Variants in ZNF534 observed in about 807,000 individuals in gnomAD.
ZNF534 encodes KRAB domain only 3.
A neutral mutation model predicts 13.6 loss-of-function variants in ZNF534; 19 were observed. The observed-to-expected ratio is 1.40, with a 90% CI of 0.97 to 2.05. The LOEUF (loss-of-function observed/expected upper bound fraction) is 2.05, where lower values mean the gene tolerates loss of function less well. ZNF534 is among the 30% of genes most tolerant of loss of function. The pLI is 0.00. For missense variants in ZNF534, 782 were observed against 796.3 expected (o/e 0.98, Z 0.22); for synonymous variants, 244 against 273.8 (o/e 0.89, Z 1.07).
intron 4 of ZNF534, among the ~76,000 whole-genome samples, chr19:52,449,991 G>A (rs2561027): frequency 0.91 from 139,002 of 152,148 alleles, 63,848 homozygotes; most frequent in Non-Finnish European, 0.96. Flanking sequence ...ACTGCACTCC[G>A]GCCTGGGCTA....
At chr19:52,449,352 C>T (rs922890209) in intron 4 of ZNF534, among the ~76,000 whole-genome samples, 6 of 69,446 alleles carry the variant, frequency 8.6e-5, no homozygotes, top group African/African-American at 3.3e-4. Context: ...TTTCCATCCT[C>T]ATTCTCTCTC....
exon 5 of ZNF534, chr19:52,451,520 C>A: frequency 1.7e-6 from 1 of 597,418 alleles, no homozygotes; most frequent in East Asian, 2.9e-5. Context: ...TTCACCCAGC[C>A]AGCGGGCCCA....
At chr19:52,437,623 A>C in intron 4 of ZNF534, 109 bp from the exon 5 acceptor site, 1 of 1,132,352 alleles carries the variant, frequency 8.8e-7, no homozygotes, top group Non-Finnish European at 1.2e-6. Context: ...AAAACAAAGT[A>C]TGCTGATAAT....
At chr19:52,435,728 C>T (rs1464425254) in intron 4 of ZNF534, among the ~76,000 whole-genome samples, 1 of 151,916 alleles carries the variant, frequency 6.6e-6, no homozygotes, top group Non-Finnish European at 1.5e-5. Flanking sequence ...TGTACTTGAA[C>T]TCCTGACCTC....
chr19:52,436,128 C>T (rs1394638986), intron 4 of ZNF534, among the ~76,000 whole-genome samples: 3 of 151,022 alleles, frequency 2.0e-5, no homozygotes, highest in African/African-American at 4.9e-5. Context: ...TTAGTAGAGA[C>T]GGGGTTTCAC....
chr19:52,445,074 C>A, downstream of ZNF534, among the ~76,000 whole-genome samples: 1 of 152,188 alleles, frequency 6.6e-6, no homozygotes. Flanking sequence ...TTTCCTTCTC[C>A]CTGTGGCCTT....
At chr19:52,451,917 G>A (rs529888625) in exon 5 of ZNF534, 17 of 503,682 alleles carry the variant, frequency 3.4e-5, no homozygotes, top group South Asian at 3.3e-4. Context: ...GGGATCAGGA[G>A]GTTTTGGCTC....
At chr19:52,448,685 TA>T (rs1471062135) in intron 4 of ZNF534, among the ~76,000 whole-genome samples, 2 of 152,208 alleles carry the variant, frequency 1.3e-5, no homozygotes, top group Non-Finnish European at 1.5e-5. Context: ...TCTAGTCTCT[TA>T]ACTTTTTAAG....
downstream of ZNF534, among the ~76,000 whole-genome samples, chr19:52,446,617 G>A (rs2122723844): frequency 6.6e-6 from 1 of 152,156 alleles, no homozygotes; most frequent in East Asian, 1.9e-4. Flanking sequence ...CAGCACTTTG[G>A]GAGGCTGAAG....
At chr19:52,433,457 C>T (rs556476585) in intron 2 of ZNF534, among the ~76,000 whole-genome samples, 1 of 152,150 alleles carries the variant, frequency 6.6e-6, no homozygotes, top group African/African-American at 2.4e-5. Context: ...ATGTCCCACT[C>T]CTGGGTTCAC....
At chr19:52,433,588 G>T (rs137941088) in intron 2 of ZNF534, among the ~76,000 whole-genome samples, 1 of 152,154 alleles carries the variant, frequency 6.6e-6, no homozygotes, top group Non-Finnish European at 1.5e-5. Flanking sequence ...AGATGGTCTT[G>T]ATCTCCTGAC....
intron 3 of ZNF534, 96 bp downstream of exon 3, chr19:52,434,177 C>T: frequency 2.0e-6 from 3 of 1,522,670 alleles, no homozygotes; most frequent in Non-Finnish European, 2.6e-6. Context: ...CATTGCTTGA[C>T]TGAGATTGAA....
At chr19:52,443,079 C>G (rs1221571220), downstream of ZNF534, among the ~76,000 whole-genome samples, 2 of 152,218 alleles carry the variant, frequency 1.3e-5, no homozygotes, top group African/African-American at 4.8e-5. Flanking sequence ...GGGTGGTCAC[C>G]TCCTCAATTG....
chr19:52,446,738 G>A (rs540791629), downstream of ZNF534, among the ~76,000 whole-genome samples: 22 of 152,246 alleles, frequency 1.4e-4, no homozygotes, highest in African/African-American at 5.1e-4. Context: ...CATGCCTGAT[G>A]TCTCAGCTAT....
At position 52,439,048 on chromosome 19, in the gene ZNF534, G is replaced by T; in HGVS notation, c.1588G>T (p.Val530Phe). 7 of 1,596,962 alleles carry T rather than the reference G, an allele frequency of 4.4e-6. No homozygotes were observed. Among genetic ancestry groups the T allele is most frequent in the Non-Finnish European group, 5.1e-6 (6 of 1,171,290 alleles). The part of the protein sequence containing the change: ...KPYSCNECGK[V>F]FRRNSHLVRH... ...TTACAGTTGTAATGAATGTGGCAAGGTCTTCCGTCGGAATTCACACCTTGT... is the reference window on the plus strand; with the variant it reads ...TTACAGTTGTAATGAATGTGGCAAGTTCTTCCGTCGGAATTCACACCTTGT... The change falls in exon 5 of 5, where the codon GTC becomes TTC. Residue 530 changes from valine to phenylalanine, a missense_variant. Around this residue, in one of 5 missense-constraint regions of ZNF534, gnomAD observed 591 missense variants for 574.0 expected, o/e 1.03. Transcript: ENST00000433050.
Position 52,437,445 on chromosome 19 carries a change from C to T in ZNF534, c.272-287C>T, listed in dbSNP as rs536161996. Among the ~76,000 whole-genome samples the T allele has an allele frequency of 7.2e-5, 11 of 152,170 alleles. No homozygotes were observed. The South Asian group carries it at 8.3e-4, about 11-fold the overall frequency. ...CAGCCTGGCCAACATAGTGAAACCC[C>T]GTCTCTACTAAAAATAAAAAAAGTT... On this transcript the variant is annotated intron_variant, in intron 4 of 4. Coordinates refer to ENST00000433050, the MANE Select transcript of ZNF534 (RefSeq NM_001143938.3).
At position 52,438,913 on chromosome 19, in the gene ZNF534, A is replaced by G. The variant is rs779528295; in HGVS notation, c.1453A>G (p.Arg485Gly). Reference sequence around the variant, plus strand: ...TCAGAATTCAAACCTTCAACGACATAGGAAAATTCATACTGGAGAGAAGCT... The same window carrying G: ...TCAGAATTCAAACCTTCAACGACATGGGAAAATTCATACTGGAGAGAAGCT... ...FSQNSNLQRH[R>G]KIHTGEKLYK... The change falls in exon 5 of 5, where the codon AGG (arginine) becomes GGG (glycine). Residue 485 changes from arginine to glycine, a missense_variant. By Grantham distance (125) the Arg-to-Gly change is moderately radical. Coordinates refer to ENST00000433050, the MANE Select transcript of ZNF534 (RefSeq NM_001143938.3). The G allele has an allele frequency of 3.1e-6, 5 of 1,588,656 alleles. No homozygotes were observed. In the South Asian group the frequency reaches 3.4e-5, roughly 11 times the overall value.
At chr19:52,435,665 A>G (rs932503646) in intron 4 of ZNF534, among the ~76,000 whole-genome samples, 3 of 151,550 alleles carry the variant, frequency 2.0e-5, no homozygotes, top group Non-Finnish European at 4.4e-5. Context: ...CACCATGCCT[A>G]TCTAGTTTTT....
At position 52,438,777 on chromosome 19, in the gene ZNF534, A is replaced by G; in HGVS notation, c.1317A>G (p.Glu439=). Reference sequence around the variant, plus strand: ...TCCATACTGGAGAGAAACCTTACGAATGTATAGACTGTGGCAAGGTCTTCA... The same window carrying G: ...TCCATACTGGAGAGAAACCTTACGAGTGTATAGACTGTGGCAAGGTCTTCA... ...LLIHTGEKPY[E]CIDCGKVFRH... is the part of the protein sequence containing the mutation. The change falls in exon 5 of 5, where the codon GAA becomes GAG. Residue 439 remains glutamate (E), a synonymous_variant. Coordinates refer to ENST00000433050, the MANE Select transcript of ZNF534 (RefSeq NM_001143938.3). The G allele has an allele frequency of 6.2e-7, 1 of 1,606,288 alleles. No homozygotes were observed. Among genetic ancestry groups the G allele is most frequent in the South Asian group, 1.1e-5 (1 of 90,192 alleles).
Sources: gnomAD v4.1 joint callset for allele counts (sites outside exome capture counted in the v4.1 genomes callset) on GRCh38, gnomAD v4.1.1 for gene constraint, gnomAD v4.1.1 regional missense constraint, MANE v1.5 for transcripts, NCBI Gene and HGNC (gene_info 2026-07-23, HGNC 2026-07-21) for gene names.